Variants in SS18 observed in about 807,000 individuals in gnomAD.
The protein encoded by SS18 is SS18 subunit of BAF chromatin remodeling complex.
SS18 carries 28 observed loss-of-function variants against 72.5 expected under a neutral mutation model. The ratio of observed to expected loss-of-function variants is 0.39; its 90% CI spans 0.29 to 0.53. The LOEUF (loss-of-function observed/expected upper bound fraction) is 0.53. Among genes scored for constraint, SS18 ranks in the 20% least tolerant of loss-of-function variants. The pLI is 0.76. For missense variants in SS18, 518 were observed against 535.3 expected (o/e 0.97, Z 0.32); for synonymous variants, 172 against 164.2 (o/e 1.05, Z -0.37).
chr18:26,069,083 A>G (rs2054268387), intron 3 of SS18, among the ~76,000 whole-genome samples: 1 of 152,160 alleles, frequency 6.6e-6, no homozygotes, highest in African/African-American at 2.4e-5. Context: ...TCTACACTTT[A>G]TATCTACTCA....
intron 2 of SS18, chr18:26,082,623 C>T (rs1418365593): frequency 1.8e-6 from 1 of 541,306 alleles, no homozygotes; most frequent in Admixed American, 6.3e-5. Context: ...AACACATTCT[C>T]ACGTGTGTTA....
At chr18:26,049,405 A>G (rs2053883621) in intron 5 of SS18, among the ~76,000 whole-genome samples, 1 of 152,256 alleles carries the variant, frequency 6.6e-6, no homozygotes, top group South Asian at 2.1e-4. Flanking sequence ...GATACAGCAG[A>G]GAACACACTT....
At chr18:26,063,353 A>C (rs2054158082) in intron 3 of SS18, among the ~76,000 whole-genome samples, 1 of 152,160 alleles carries the variant, frequency 6.6e-6, no homozygotes, top group Admixed American at 6.5e-5. Context: ...CCCTGCCTCT[A>C]CTAAAAATAC....
chr18:26,082,088 G>A (rs2054534731), intron 2 of SS18, among the ~76,000 whole-genome samples: 1 of 151,850 alleles, frequency 6.6e-6, no homozygotes, highest in South Asian at 2.1e-4. Flanking sequence ...AAGAGTATAT[G>A]TTGATATGAG....
At chr18:26,033,772 G>C (rs1435628691) in intron 9 of SS18, among the ~76,000 whole-genome samples, 1 of 151,942 alleles carries the variant, frequency 6.6e-6, no homozygotes, top group Non-Finnish European at 1.5e-5. Flanking sequence ...TAGGATTCCT[G>C]ATGTCTAACA....
At chr18:26,018,960 A>C (rs1327976107) in intron 10 of SS18, among the ~76,000 whole-genome samples, 1 of 151,726 alleles carries the variant, frequency 6.6e-6, no homozygotes, top group African/African-American at 2.4e-5. Flanking sequence ...CATAAAATCA[A>C]GGAAAGCTGT....
chr18:26,089,157 C>T (rs1348264765), intron 1 of SS18, among the ~76,000 whole-genome samples: 3 of 152,220 alleles, frequency 2.0e-5, no homozygotes, highest in Non-Finnish European at 2.9e-5. Context: ...AATTGATCAG[C>T]ATCCTCCGAA....
intron 3 of SS18, among the ~76,000 whole-genome samples, chr18:26,076,461 A>C (rs1046140840): frequency 6.6e-6 from 1 of 151,934 alleles, no homozygotes. Context: ...TCCACATGGA[A>C]ACAAATGAAA....
intron 10 of SS18, among the ~76,000 whole-genome samples, chr18:26,026,684 A>T (rs1314685808): frequency 6.6e-6 from 1 of 152,148 alleles, no homozygotes; most frequent in Non-Finnish European, 1.5e-5. Flanking sequence ...CAGATTGAAA[A>T]GGAAGGAGAC....
At chr18:26,065,800 C>CATATATATATATATACATAT (rs2054202680) in intron 3 of SS18, among the ~76,000 whole-genome samples, 1 of 55,578 alleles carries the variant, frequency 1.8e-5, no homozygotes, top group Non-Finnish European at 4.4e-5. Context: ...CCTACAAATC[C>CATATATATATATATACATAT]ATATATATAT....
chr18:26,051,106 G>A (rs1310048197), intron 5 of SS18, among the ~76,000 whole-genome samples: 1 of 151,930 alleles, frequency 6.6e-6, no homozygotes, highest in African/African-American at 2.4e-5. Flanking sequence ...GGAGGCCAAG[G>A]CAGGTGATCA....
intron 3 of SS18, among the ~76,000 whole-genome samples, chr18:26,062,960 T>C (rs1387744365): frequency 6.6e-6 from 1 of 152,074 alleles, no homozygotes; most frequent in Non-Finnish European, 1.5e-5. Context: ...CAGTAATGTA[T>C]AGAAGAAAAA....
intron 4 of SS18, among the ~76,000 whole-genome samples, chr18:26,056,527 T>G (rs1455022009): frequency 6.6e-6 from 1 of 152,206 alleles, no homozygotes; most frequent in Non-Finnish European, 1.5e-5. Flanking sequence ...ACTGCCCTCC[T>G]ATATGATCAG....
Position 26,035,999 on chromosome 18 carries a change from C to T in SS18, c.881-76G>A. ...AAAACCCTAAAAATATTTAAACTTT[C>T]AGATAAAATTGAAAAAAAAGAAAAA... On this transcript the variant is annotated intron_variant, in intron 7 of 10. Coordinates refer to ENST00000415083, the MANE Select transcript of SS18 (RefSeq NM_001007559.3). This position sits in a 1 kb window ranked among gnomAD's most constrained non-coding sequence, Gnocchi z 4.4. The T allele has an allele frequency of 1.1e-6, 1 of 892,166 alleles. No individual in the cohort carries two copies. The highest frequency in any genetic ancestry group is 1.7e-5 in the South Asian group (1 of 57,244). 55.3% of individuals were successfully genotyped at this position (892,166 alleles called of 1,614,324 possible).
intron 3 of SS18, among the ~76,000 whole-genome samples, chr18:26,069,899 A>G (rs1275029429): frequency 1.3e-5 from 2 of 152,354 alleles, no homozygotes; most frequent in East Asian, 3.9e-4. Context: ...AACAGTAACT[A>G]ATATGAAATT....
At chr18:26,042,069 A>G (rs1181270392) in intron 5 of SS18, among the ~76,000 whole-genome samples, 1 of 152,178 alleles carries the variant, frequency 6.6e-6, no homozygotes, top group Non-Finnish European at 1.5e-5. Context: ...AATTATGACT[A>G]TGACTTCAAT....
At chr18:26,063,879 C>A (rs2054167972) in intron 3 of SS18, among the ~76,000 whole-genome samples, 1 of 151,782 alleles carries the variant, frequency 6.6e-6, no homozygotes, top group Admixed American at 6.6e-5. Context: ...TAATTAATAA[C>A]CCTTAGCAGA....
rs914254621 is a variant in SS18 at position 26,090,448 on chromosome 18, G to A, written c.69+53C>T. On this transcript the variant is annotated intron_variant, in intron 1 of 10. Coordinates refer to ENST00000415083, the MANE Select transcript of SS18 (RefSeq NM_001007559.3). Reference sequence around the variant, plus strand: ...GGGCCCGGCCCTTCCCCCCGCGTCTGTCTCTCCCAGAGGCGGTAAGGGCCT... The same window carrying A: ...GGGCCCGGCCCTTCCCCCCGCGTCTATCTCTCCCAGAGGCGGTAAGGGCCT... The A allele has an allele frequency of 3.3e-6, 5 of 1,528,718 alleles. No homozygotes were observed. In the South Asian group the frequency reaches 3.6e-5, roughly 11 times the overall value. The allele number at this position is 1,528,718 out of a possible 1,614,324, so 94.7% of individuals were successfully genotyped here.
chr18:26,060,080 G>A (rs770973764), intron 3 of SS18, among the ~76,000 whole-genome samples: 1 of 152,088 alleles, frequency 6.6e-6, no homozygotes, highest in East Asian at 1.9e-4. Context: ...ACACATTCAC[G>A]CAAAATTTCT....
Sources: gnomAD v4.1 joint callset for allele counts (sites outside exome capture counted in the v4.1 genomes callset) on GRCh38, gnomAD v4.1.1 for gene constraint, Gnocchi (gnomAD v3.1) non-coding constraint, MANE v1.5 for transcripts, NCBI Gene and HGNC (gene_info 2026-07-23, HGNC 2026-07-21) for gene names.